Variants in SUGCT observed in about 807,000 individuals in gnomAD.
The protein encoded by SUGCT is succinyl-CoA:glutarate CoA-transferase.
Under a neutral mutation model 55.0 loss-of-function variants are expected in SUGCT, and 41 were observed. That is an observed-to-expected ratio of 0.74 (90% CI 0.58 to 0.97). The LOEUF (loss-of-function observed/expected upper bound fraction) is 0.97. Among genes scored for constraint, SUGCT ranks in the 50% least tolerant of loss-of-function variants. SUGCT has a pLI of 0.00. For missense variants in SUGCT, 568 were observed against 547.8 expected, an observed-to-expected ratio of 1.04 and a Z score of -0.37; for synonymous variants, 187 against 200.4, an observed-to-expected ratio of 0.93 and a Z score of 0.56.
chr7:40,744,137 A>G (rs539484176), intron 12 of SUGCT, among the ~76,000 whole-genome samples: 1 of 150,778 alleles, frequency 6.6e-6, no homozygotes, highest in African/African-American at 2.4e-5. Flanking sequence ...CATGTCGGCC[A>G]GGCTGGTCTT....
chr7:40,219,260 T>C (rs1051786335), intron 6 of SUGCT, among the ~76,000 whole-genome samples: 3 of 152,042 alleles, frequency 2.0e-5, no homozygotes, highest in African/African-American at 7.2e-5. Context: ...AGACACACCA[T>C]CTTTAAGAAC....
In SUGCT at chr7:40,473,333, G is replaced by A. The variant is rs75891075; in HGVS notation, c.986+14135G>A. Among the ~76,000 whole-genome samples the A allele has an allele frequency of 8.5e-3, 1,297 of 152,246 alleles. 8 individuals are homozygous for A. The highest frequency in any genetic ancestry group is 0.013 in the Non-Finnish European group (895 of 67,998). ...CAATCATTTTCTGATAGTTGGTTAC[G>A]TCATTTTTACTAAATATATCACTTT... On this transcript the variant is annotated intron_variant, in intron 11 of 13. Transcript: ENST00000335693.
chr7:40,530,498 T>C (rs907648746), intron 12 of SUGCT, among the ~76,000 whole-genome samples: 3 of 152,210 alleles, frequency 2.0e-5, no homozygotes, highest in Non-Finnish European at 2.9e-5. Flanking sequence ...TTGTGGTATA[T>C]TGGAGTCTTG....
rs869054041 is a variant in SUGCT at position 40,317,143 on chromosome 7, TC to T, written c.816+291del. Among the ~76,000 whole-genome samples, 67 of 33,034 alleles carry T rather than the reference TC, an allele frequency of 2.0e-3. 1 individual carries two copies. Among genetic ancestry groups the T allele is most frequent in the Admixed American group, 7.0e-3 (21 of 2,986 alleles). 21.7% of individuals were successfully genotyped at this position (33,034 alleles called of 152,430 possible). ...GTATGATGGTTTTCTTTTTTTTTTT[TC>T]CCACCTAAAAGAGGCACTGACTGTA... On this transcript the variant is annotated intron_variant, in intron 9 of 13. Coordinates refer to ENST00000335693, the MANE Select transcript of SUGCT (RefSeq NM_001193313.2).
chr7:40,905,396 TAAAAG>T, the SUGCT span, among the ~76,000 whole-genome samples: 2 of 152,338 alleles, frequency 1.3e-5, no homozygotes, highest in African/African-American at 4.8e-5. Context: ...AAAGAGATGA[TAAAAG>T]GAAATAGAGC....
intron 12 of SUGCT, among the ~76,000 whole-genome samples, chr7:40,649,201 A>G (rs550661731): frequency 6.6e-6 from 1 of 151,744 alleles, no homozygotes; most frequent in East Asian, 1.9e-4. Flanking sequence ...TTTTTTTCCT[A>G]TGTTTTTTAA....
At chr7:40,672,711 C>T (rs926922766) in intron 12 of SUGCT, among the ~76,000 whole-genome samples, 7 of 152,110 alleles carry the variant, frequency 4.6e-5, no homozygotes, top group African/African-American at 1.7e-4. Context: ...AAGATGTTAC[C>T]ATTGAAGGAA....
chr7:40,156,363 T>C (rs1783897674), intron 1 of SUGCT, among the ~76,000 whole-genome samples: 1 of 152,080 alleles, frequency 6.6e-6, no homozygotes, highest in South Asian at 2.1e-4. Flanking sequence ...CTCAGGAGGC[T>C]GAGGCAGGAG....
chr7:40,877,157 T>G, the SUGCT span, among the ~76,000 whole-genome samples: 1 of 152,224 alleles, frequency 6.6e-6, no homozygotes, highest in African/African-American at 2.4e-5. Flanking sequence ...AGCCAAAGCA[T>G]GTGCCCAAAT....
At chr7:41,030,286 C>T in the SUGCT span, among the ~76,000 whole-genome samples, 2 of 151,458 alleles carry the variant, frequency 1.3e-5, no homozygotes, top group South Asian at 4.2e-4. Context: ...TCACCATCTT[C>T]TGCTTTTTTG....
chr7:40,891,455 C>G, the SUGCT span, among the ~76,000 whole-genome samples: 1 of 152,104 alleles, frequency 6.6e-6, no homozygotes, highest in African/African-American at 2.4e-5. Context: ...TTCAGACTAT[C>G]TACATATTTC....
chr7:40,474,675 T>C (rs1331010867), intron 11 of SUGCT, among the ~76,000 whole-genome samples: 2 of 152,174 alleles, frequency 1.3e-5, no homozygotes, highest in Non-Finnish European at 2.9e-5. Flanking sequence ...CTGTAGCCTC[T>C]ACAGCTCTGA....
At chr7:40,220,932 T>A (rs1787984192) in intron 6 of SUGCT, among the ~76,000 whole-genome samples, 2 of 152,162 alleles carry the variant, frequency 1.3e-5, no homozygotes, top group Admixed American at 1.3e-4. Flanking sequence ...GAAGCCACAT[T>A]TTCTGTATTG....
intron 9 of SUGCT, among the ~76,000 whole-genome samples, chr7:40,394,946 A>G (rs939017067): frequency 3.3e-5 from 5 of 152,334 alleles, no homozygotes; most frequent in Non-Finnish European, 5.9e-5. Context: ...AGTTGATTCC[A>G]TATCTTGGCT....
intron 12 of SUGCT, among the ~76,000 whole-genome samples, chr7:40,721,593 C>T (rs1268630138): frequency 6.6e-6 from 1 of 152,228 alleles, no homozygotes; most frequent in African/African-American, 2.4e-5. Flanking sequence ...AGCCAACTGG[C>T]AGCTGGTTGG....
At chr7:40,780,775 C>CTTTTTTTTTTTTTTTTTTT (rs34455435) in intron 13 of SUGCT, among the ~76,000 whole-genome samples, 1 of 134,812 alleles carries the variant, frequency 7.4e-6, no homozygotes, top group Non-Finnish European at 1.6e-5. Context: ...TCTTCTTCTT[C>CTTTTTTTTTTTTTTTTTTT]TTTTTTTTTT....
At chr7:40,742,187 C>T (rs1787496032) in intron 12 of SUGCT, among the ~76,000 whole-genome samples, 1 of 151,840 alleles carries the variant, frequency 6.6e-6, no homozygotes. Context: ...TATTGCATGA[C>T]CAATTTTCAT....
chr7:40,646,900 G>C (rs1384953276), intron 12 of SUGCT, among the ~76,000 whole-genome samples: 1 of 152,144 alleles, frequency 6.6e-6, no homozygotes, highest in African/African-American at 2.4e-5. Context: ...ATGAATATCT[G>C]TTGCATGAAT....
At chr7:40,950,852 A>G in the SUGCT span, among the ~76,000 whole-genome samples, 1 of 152,108 alleles carries the variant, frequency 6.6e-6, no homozygotes, top group Non-Finnish European at 1.5e-5. Context: ...TGCTGAATTC[A>G]GTTTGCCAGT....
Sources: allele counts gnomAD v4.1 joint callset (sites outside exome capture counted in the v4.1 genomes callset), GRCh38; gene constraint gnomAD v4.1.1; transcripts MANE v1.5; gene names NCBI Gene and HGNC (gene_info 2026-07-23, HGNC 2026-07-21).